The following NPEPPS variants were observed in gnomAD, a reference collection of about 807,000 sequenced individuals.
NPEPPS encodes the protein aminopeptidase puromycin sensitive.
NPEPPS carries 14 observed loss-of-function variants against 115.5 expected under a neutral mutation model. The ratio of observed to expected loss-of-function variants is 0.12; its 90% confidence interval spans 0.08 to 0.19. The LOEUF (loss-of-function observed/expected upper bound fraction) is 0.19, where lower values mean the gene tolerates loss of function less well. Among genes scored for constraint, NPEPPS ranks in the 10% least tolerant of loss-of-function variants. NPEPPS has a pLI of 1.00. For synonymous variants in NPEPPS, 285 were observed against 390.6 expected (o/e 0.73, Z 3.19); for missense variants, 523 against 1,110.8 (o/e 0.47, Z 7.52).
chr17:47,575,741 A>T (rs910114780), intron 3 of NPEPPS, among the ~76,000 whole-genome samples: 4 of 151,666 alleles, frequency 2.6e-5, no homozygotes, highest in African/African-American at 9.7e-5. Flanking sequence ...AGTAGCTGGG[A>T]CTACAGGTGC....
At chr17:47,612,112 T>C (rs1913908620) in intron 17 of NPEPPS, among the ~76,000 whole-genome samples, 1 of 152,366 alleles carries the variant, frequency 6.6e-6, no homozygotes, top group African/African-American at 2.4e-5. Context: ...ATATGTGATC[T>C]TTCTTTGAAC....
intron 3 of NPEPPS, among the ~76,000 whole-genome samples, chr17:47,571,232 A>C (rs1911171707): frequency 6.6e-6 from 1 of 152,192 alleles, no homozygotes; most frequent in South Asian, 2.1e-4. Context: ...GGCACAAGTA[A>C]AATGATAGTT....
chr17:47,580,632 A>G (rs898016237), intron 4 of NPEPPS: 2 of 151,930 alleles, frequency 1.3e-5, no homozygotes, highest in Non-Finnish European at 2.9e-5. Flanking sequence ...AACTTTAGAC[A>G]AGGCTACTTG....
intron 1 of NPEPPS, among the ~76,000 whole-genome samples, chr17:47,525,562 T>C (rs923131158): frequency 5.1e-4 from 78 of 152,256 alleles, no homozygotes; most frequent in African/African-American, 1.8e-3. Context: ...AGGCTGGTCT[T>C]GAACTCCCAA....
chr17:47,573,645 A>C, intron 3 of NPEPPS, among the ~76,000 whole-genome samples: 1 of 152,230 alleles, frequency 6.6e-6, no homozygotes, highest in Admixed American at 6.5e-5. Context: ...TTGCTTGCCC[A>C]TGAATTGAAG....
intron 1 of NPEPPS, among the ~76,000 whole-genome samples, chr17:47,536,444 G>T (rs1406798245): frequency 7.1e-6 from 1 of 140,428 alleles, no homozygotes; most frequent in Non-Finnish European, 1.5e-5. Context: ...ACAGGCTGAA[G>T]TGCAGTGGCA....
rs1914643021 is a variant in NPEPPS at position 47,622,513 on chromosome 17, C to T, written c.*593C>T. The stretch of plus-strand genomic sequence containing the variant: ...CCAAGGATTGTAGTTTAGTTTTCCT[C>T]CTTGCCTTCCCTTCTGTGTGACCGA... On this transcript the variant is annotated 3_prime_UTR_variant, in exon 23 of 23. Coordinates refer to ENST00000322157, the MANE Select transcript of NPEPPS (RefSeq NM_006310.4). 4.3e-6 allele frequency: 1 copy of T among 232,454 alleles called. No individual in the cohort carries two copies. Among genetic ancestry groups the T allele is most frequent in the Admixed American group, 6.0e-5 (1 of 16,782 alleles). 14.4% of individuals were successfully genotyped at this position (232,454 alleles called of 1,614,324 possible). A position where few individuals can be genotyped will look rare whatever the true frequency, so the allele number is the denominator to read the frequency against.
intron 1 of NPEPPS, among the ~76,000 whole-genome samples, chr17:47,541,611 G>A (rs1198428631): frequency 1.3e-5 from 2 of 152,096 alleles, no homozygotes. Context: ...CCCTGACCTC[G>A]TGATCCACCC....
intron 16 of NPEPPS, among the ~76,000 whole-genome samples, chr17:47,604,481 A>G (rs1913402724): frequency 6.6e-6 from 1 of 152,234 alleles, no homozygotes; most frequent in African/African-American, 2.4e-5. Context: ...CTTTAGAATT[A>G]TATTTATATT....
chr17:47,616,544 T>G (rs1236893147), intron 19 of NPEPPS, among the ~76,000 whole-genome samples: 1 of 150,940 alleles, frequency 6.6e-6, no homozygotes, highest in Non-Finnish European at 1.5e-5. Flanking sequence ...ATTCGCCGGG[T>G]GTGGTGGCGG....
chr17:47,567,350 A>G (rs1910888152), intron 2 of NPEPPS, among the ~76,000 whole-genome samples: 1 of 152,238 alleles, frequency 6.6e-6, no homozygotes, highest in Admixed American at 6.5e-5. Context: ...TAGTGACAGT[A>G]GAAACATTTG....
At chr17:47,542,688 T>C (rs1320942921) in intron 1 of NPEPPS, among the ~76,000 whole-genome samples, 1 of 152,214 alleles carries the variant, frequency 6.6e-6, no homozygotes. Context: ...CATGGCTTGC[T>C]ATACTTACCT....
intron 2 of NPEPPS, among the ~76,000 whole-genome samples, chr17:47,546,289 AGTG>A (rs1160910402): frequency 6.6e-6 from 1 of 151,954 alleles, no homozygotes; most frequent in African/African-American, 2.4e-5. Flanking sequence ...AGCTAGGCAT[AGTG>A]GTGCGTGCCT....
At chr17:47,552,967 C>A (rs540957886) in intron 2 of NPEPPS, among the ~76,000 whole-genome samples, 7 of 152,098 alleles carry the variant, frequency 4.6e-5, no homozygotes, top group Non-Finnish European at 1.0e-4. Context: ...CGGTTTGGAT[C>A]TAGGGTCCAT....
chr17:47,575,015 T>G (rs929958766), intron 3 of NPEPPS, among the ~76,000 whole-genome samples: 1 of 152,260 alleles, frequency 6.6e-6, no homozygotes, highest in Non-Finnish European at 1.5e-5. Context: ...AGCTGGGATT[T>G]AAACCCAAGC....
At position 47,615,078 on chromosome 17, in the gene NPEPPS, T is replaced by C. The variant is rs1378512560; in HGVS notation, c.2295+1353T>C. Among the ~76,000 whole-genome samples, 12 of 43,876 alleles carry C rather than the reference T, an allele frequency of 2.7e-4. No homozygotes were observed. In the Admixed American group the frequency reaches 3.2e-3, roughly 12 times the overall value. 28.8% of individuals were successfully genotyped at this position (43,876 alleles called of 152,430 possible). On this transcript the variant is annotated intron_variant, in intron 19 of 22. Transcript: ENST00000322157. ...GTAATAGGTTTACTTTCTTTCTTTT[T>C]TTTTTTTTTTTTTTTTTTGAGACGG...
intron 13 of NPEPPS, among the ~76,000 whole-genome samples, chr17:47,596,810 G>T (rs1047024889): frequency 1.3e-5 from 2 of 152,210 alleles, no homozygotes; most frequent in Non-Finnish European, 2.9e-5. Flanking sequence ...CACTCTGGGA[G>T]GCCGTGGCGG....
chr17:47,556,667 G>T (rs1324305130), intron 2 of NPEPPS, among the ~76,000 whole-genome samples: 1 of 152,178 alleles, frequency 6.6e-6, no homozygotes, highest in African/African-American at 2.4e-5. Flanking sequence ...CCGGGCAGAG[G>T]TGCCCCCCAC....
intron 19 of NPEPPS, 84 bp downstream of exon 19, chr17:47,613,809 G>T (rs1914022283): frequency 1.0e-6 from 1 of 990,488 alleles, no homozygotes; most frequent in Admixed American, 2.3e-5. Flanking sequence ...TAAAAAAAAA[G>T]ACAGTCCTAG....
Sources: allele counts gnomAD v4.1 joint callset (sites outside exome capture counted in the v4.1 genomes callset), GRCh38; gene constraint gnomAD v4.1.1; transcripts MANE v1.5; gene names NCBI Gene and HGNC (gene_info 2026-07-23, HGNC 2026-07-21).